The following CCDC69 variants were observed in gnomAD, a reference collection of about 807,000 sequenced individuals.
CCDC69 encodes coiled-coil domain containing 69, also known as coiled-coil domain-containing protein 69.
In CCDC69, 38 loss-of-function variants were observed where a neutral mutation model predicts 40.3. The observed-to-expected ratio is 0.94, with a 90% CI of 0.73 to 1.24. CCDC69 has a LOEUF of 1.24. CCDC69 is among the 50% of genes most tolerant of loss of function. CCDC69 has a pLI of 0.00. For synonymous variants in CCDC69, 141 were observed against 138.9 expected (o/e 1.02, Z -0.11); for missense variants, 389 against 357.9 (o/e 1.09, Z -0.70).
At chr5:151,223,821 C>T in intron 1 of CCDC69, 102 bp downstream of exon 1, 6 of 1,212,188 alleles carry the variant, frequency 4.9e-6, no homozygotes, top group Non-Finnish European at 7.0e-6. Flanking sequence ...TCCGGTATCC[C>T]GGGCCGACCA....
At chr5:151,216,406 ATTTTT>A (rs1262419326) in intron 1 of CCDC69, among the ~76,000 whole-genome samples, 10,201 of 115,958 alleles carry the variant, frequency 0.088, 377 homozygotes, top group Middle Eastern at 0.15. Context: ...AATTATTAGG[ATTTTT>A]TTTTTTTTTT....
chr5:151,219,729 T>G (rs153469), intron 1 of CCDC69, among the ~76,000 whole-genome samples: 1 of 151,942 alleles, frequency 6.6e-6, no homozygotes, highest in African/African-American at 2.4e-5. Context: ...ATTGTGAGAT[T>G]AAAAGATTTT....
Position 151,224,022 on chromosome 5 carries a change from G to A in CCDC69, c.-52C>T, listed in dbSNP as rs572157866. 7 of 1,486,774 alleles carry A rather than the reference G, an allele frequency of 4.7e-6. No homozygotes were observed. Among genetic ancestry groups the A allele is most frequent in the Admixed American group, 5.1e-5 (2 of 39,580 alleles). 92.1% of individuals were successfully genotyped at this position (1,486,774 alleles called of 1,614,324 possible). A position where few individuals can be genotyped will look rare whatever the true frequency, so the allele number is the denominator to read the frequency against. On this transcript the variant is annotated 5_prime_UTR_variant, in exon 1 of 9. Transcript: ENST00000355417. ...CTTCCCAACTCCGGGGCCCCCAGAG[G>A]AGCCTGCGATCCGGGCCCCGCTGCC...
intron 4 of CCDC69, among the ~76,000 whole-genome samples, chr5:151,196,787 G>A (rs963124580): frequency 2.0e-5 from 3 of 152,214 alleles, no homozygotes; most frequent in Admixed American, 1.3e-4. Flanking sequence ...ACATAAAGTG[G>A]TACAGCCCCT....
At chr5:151,209,179 A>G (rs960813650) in intron 1 of CCDC69, among the ~76,000 whole-genome samples, 7 of 152,238 alleles carry the variant, frequency 4.6e-5, no homozygotes, top group Non-Finnish European at 1.0e-4. Flanking sequence ...CGGATTTCTC[A>G]TGAGGCTCTT....
intron 2 of CCDC69, among the ~76,000 whole-genome samples, 163 bp from the exon 3 acceptor site, chr5:151,201,851 C>T (rs780863773): frequency 2.6e-5 from 4 of 151,950 alleles, no homozygotes; most frequent in African/African-American, 7.3e-5. Context: ...GACAGCCCCT[C>T]GAGTCTCTTT....
intron 1 of CCDC69, among the ~76,000 whole-genome samples, chr5:151,217,014 G>C (rs1044013164): frequency 6.6e-6 from 1 of 152,108 alleles, no homozygotes; most frequent in Non-Finnish European, 1.5e-5. Flanking sequence ...ACATTCTAAT[G>C]TTCCATAGCA....
intron 1 of CCDC69, among the ~76,000 whole-genome samples, chr5:151,220,345 T>C (rs886411442): frequency 2.0e-5 from 3 of 152,162 alleles, no homozygotes; most frequent in Non-Finnish European, 4.4e-5. Flanking sequence ...ATCTTACAGA[T>C]GAGGAAACTG....
chr5:151,191,467 G>A (rs1752610203), intron 4 of CCDC69, among the ~76,000 whole-genome samples: 3 of 152,160 alleles, frequency 2.0e-5, no homozygotes, highest in Admixed American at 2.0e-4. Flanking sequence ...CATACCCTGA[G>A]TCATGAAACA....
intron 1 of CCDC69, among the ~76,000 whole-genome samples, chr5:151,222,089 C>T (rs369751693): frequency 5.1e-4 from 78 of 152,356 alleles, no homozygotes; most frequent in African/African-American, 1.8e-3. Context: ...GGAAGCACAG[C>T]GGGAGGAGGT....
In CCDC69 at chr5:151,184,268, C is replaced by T. The variant is rs61346262; in HGVS notation, c.713+76G>A. ...CACCTGTCAGTCCATTCCTCAGGCC[C>T]CTCTAAGACTCTCCCAGCTGGGAAT... On this transcript the variant is annotated intron_variant, in intron 8 of 8. Coordinates refer to ENST00000355417, the MANE Select transcript of CCDC69 (RefSeq NM_015621.3). 2,497 of 1,073,888 alleles carry T rather than the reference C, an allele frequency of 2.3e-3. 43 individuals are homozygous for T. The African/African-American group carries it at 0.035, about 15-fold the overall frequency. The allele number at this position is 1,073,888 out of a possible 1,614,324, so 66.5% of individuals were successfully genotyped here.
chr5:151,196,613 C>T (rs1192729144), intron 4 of CCDC69, among the ~76,000 whole-genome samples: 1 of 152,158 alleles, frequency 6.6e-6, no homozygotes, highest in East Asian at 1.9e-4. Flanking sequence ...CACCAAGAAG[C>T]ACATGAAAAG....
chr5:151,198,291 G>GATCTATCTATCTATCTATCC lies in CCDC69; in HGVS notation c.319+705_319+706insGGATAGATAGATAGATAGAT, dbSNP rs1554089406. Among the ~76,000 whole-genome samples, 175 of 141,822 alleles carry GATCTATCTATCTATCTATCC rather than the reference G, an allele frequency of 1.2e-3. 1 individual carries two copies. Among genetic ancestry groups the GATCTATCTATCTATCTATCC allele is most frequent in the African/African-American group, 4.3e-3 (170 of 39,230 alleles). The allele number at this position is 141,822 out of a possible 152,430, so 93.0% of individuals were successfully genotyped here. A position where few individuals can be genotyped will look rare whatever the true frequency, so the allele number is the denominator to read the frequency against. ...GACTGGAGCTCTAGAGAATGAGATTGATCTATCTATCTATCTATCTATCTA... is the reference window on the plus strand; with the variant it reads ...GACTGGAGCTCTAGAGAATGAGATTGATCTATCTATCTATCTATCCATCTATCTATCTATCTATCTATCTA... On this transcript the variant is annotated intron_variant, in intron 4 of 8. Coordinates refer to ENST00000355417, the MANE Select transcript of CCDC69 (RefSeq NM_015621.3).
At chr5:151,189,420 A>G (rs1752573827) in intron 4 of CCDC69, among the ~76,000 whole-genome samples, 1 of 152,160 alleles carries the variant, frequency 6.6e-6, no homozygotes, top group Non-Finnish European at 1.5e-5. Flanking sequence ...AGATAGATCA[A>G]TAGAAATTAT....
At chr5:151,214,795 G>A (rs1753012985) in intron 1 of CCDC69, among the ~76,000 whole-genome samples, 1 of 152,150 alleles carries the variant, frequency 6.6e-6, no homozygotes, top group Non-Finnish European at 1.5e-5. Context: ...GGTGTCTCAG[G>A]GGAGCAAAGG....
At chr5:151,194,289 T>A (rs1752663282) in intron 4 of CCDC69, among the ~76,000 whole-genome samples, 1 of 152,212 alleles carries the variant, frequency 6.6e-6, no homozygotes, top group South Asian at 2.1e-4. Flanking sequence ...GCCTCAAATG[T>A]CCTGCAACAG....
At chr5:151,200,137 C>T (rs942749964) in intron 3 of CCDC69, among the ~76,000 whole-genome samples, 2 of 151,808 alleles carry the variant, frequency 1.3e-5, no homozygotes, top group Non-Finnish European at 2.9e-5. Flanking sequence ...TTTATAACTA[C>T]GGAGACTTTT....
intron 1 of CCDC69, chr5:151,213,005 C>A: frequency 2.5e-6 from 1 of 404,838 alleles, no homozygotes; most frequent in Non-Finnish European, 5.0e-6. Flanking sequence ...GACTGGTGAT[C>A]TTTTAGAACC....
intron 1 of CCDC69, among the ~76,000 whole-genome samples, chr5:151,221,882 C>T (rs1753139708): frequency 6.6e-6 from 1 of 152,242 alleles, no homozygotes; most frequent in Admixed American, 6.5e-5. Flanking sequence ...CTCATGCCTT[C>T]CAAGGGGTTG....
Sources: allele counts gnomAD v4.1 joint callset (sites outside exome capture counted in the v4.1 genomes callset), GRCh38; gene constraint gnomAD v4.1.1; transcripts MANE v1.5; gene names NCBI Gene and HGNC (gene_info 2026-07-23, HGNC 2026-07-21).